The following GALNS variants were observed in gnomAD, a reference collection of about 807,000 sequenced individuals.
The protein encoded by GALNS is galactosamine (N-acetyl)-6-sulfatase, also known as N-acetylgalactosamine-6-sulfatase.
In GALNS, 65 loss-of-function variants were observed where a neutral mutation model predicts 65.9. That is an observed-to-expected ratio of 0.99 (90% CI 0.81 to 1.21). GALNS has a LOEUF of 1.21. Ranked by LOEUF, GALNS falls within the 50% of genes most tolerant of loss-of-function variation. The probability of loss-of-function intolerance (pLI) is 0.00; values close to 1 mark genes in which losing one functional copy is unlikely to be tolerated. For missense variants in GALNS, 776 were observed against 700.7 expected (o/e 1.11, Z -1.21); for synonymous variants, 346 against 288.9 (o/e 1.20, Z -2.00).
At chr16:88,835,490 C>G in intron 7 of GALNS, 138 bp from the exon 8 acceptor site, 1 of 1,309,342 alleles carries the variant, frequency 7.6e-7, no homozygotes, top group Non-Finnish European at 1.1e-6. Flanking sequence ...CCGGCCTCTT[C>G]CCAGAAGAGG....
chr16:88,854,253 C>T (rs981428085), intron 1 of GALNS, among the ~76,000 whole-genome samples: 9 of 152,236 alleles, frequency 5.9e-5, no homozygotes, highest in African/African-American at 9.6e-5. Context: ...GACGCCAGCG[C>T]CCTGGCAGAA....
intron 1 of GALNS, 68 bp from the exon 2 acceptor site, chr16:88,842,897 C>A: frequency 6.3e-7 from 1 of 1,593,510 alleles, no homozygotes; most frequent in South Asian, 1.1e-5. Context: ...GGGGAGCTGC[C>A]CATGGTGCCA....
rs147565211 is a variant in GALNS at position 88,854,508 on chromosome 16, G to A, written c.120+2250C>T. Among the ~76,000 whole-genome samples, 286 of 152,358 alleles carry A rather than the reference G, an allele frequency of 1.9e-3. 1 individual carries two copies. The highest frequency in any genetic ancestry group is 6.1e-3 in the African/African-American group (252 of 41,576). ...GGTCCAGGCAGATGAGATGATCAGG[G>A]GCAGTCTCCCTTCTGGGGTAGGCCC... On this transcript the variant is annotated intron_variant, in intron 1 of 13. Coordinates refer to ENST00000268695, the MANE Select transcript of GALNS (RefSeq NM_000512.5).
At chr16:88,822,446 C>T (rs1910328072) in intron 12 of GALNS, 143 bp downstream of exon 12, 26 of 1,108,728 alleles carry the variant, frequency 2.3e-5, no homozygotes, top group Non-Finnish European at 3.4e-5. Flanking sequence ...CCACCAAGCA[C>T]GTGTGGGTAT....
Position 88,843,038 on chromosome 16 carries a change from C to T in GALNS, c.121-209G>A, listed in dbSNP as rs564422845. On this transcript the variant is annotated intron_variant, in intron 1 of 13. Transcript: ENST00000268695. ...TCCACGCCAGCCCAAACCTCAGCATCGCCTGCGTGCGTGCACGATGGGGCC... is the reference window on the plus strand; with the variant it reads ...TCCACGCCAGCCCAAACCTCAGCATTGCCTGCGTGCGTGCACGATGGGGCC... 3.3e-3 allele frequency: 5,060 copies of T among 1,525,424 alleles called. 12 individuals are homozygous for T. The highest frequency in any genetic ancestry group is 4.1e-3 in the Non-Finnish European group (4,682 of 1,141,562). 94.5% of individuals were successfully genotyped at this position (1,525,424 alleles called of 1,614,324 possible). A position where few individuals can be genotyped will look rare whatever the true frequency, so the allele number is the denominator to read the frequency against.
intron 5 of GALNS, 56 bp downstream of exon 5, chr16:88,837,566 G>A: frequency 1.9e-6 from 3 of 1,581,220 alleles, no homozygotes; most frequent in Non-Finnish European, 2.6e-6. Context: ...CGGGGGGCAG[G>A]CACGCCGGGC....
At chr16:88,830,247 A>AC (rs1297697928) in intron 9 of GALNS, among the ~76,000 whole-genome samples, 27 of 150,594 alleles carry the variant, frequency 1.8e-4, no homozygotes, top group African/African-American at 6.6e-4. Flanking sequence ...AAAAAAAAAA[A>AC]AAAAAAAAAC....
At chr16:88,841,747 T>G in intron 3 of GALNS, 150 bp downstream of exon 3, 1 of 738,012 alleles carries the variant, frequency 1.4e-6, no homozygotes, top group Non-Finnish European at 2.4e-6. Context: ...TAGGGGGGCC[T>G]GCACTTCCAC....
intron 1 of GALNS, among the ~76,000 whole-genome samples, chr16:88,848,756 G>A (rs931374595): frequency 6.6e-6 from 1 of 151,004 alleles, no homozygotes; most frequent in Non-Finnish European, 1.5e-5. Context: ...GCCCTCACCG[G>A]GGGCGGGGGT....
chr16:88,836,680 G>T (rs972650316), intron 5 of GALNS, among the ~76,000 whole-genome samples: 1 of 152,156 alleles, frequency 6.6e-6, no homozygotes, highest in Non-Finnish European at 1.5e-5. Flanking sequence ...AGGAAGCCTG[G>T]AAATGAAATG....
At chr16:88,816,976 G>A in intron 13 of GALNS, 1 of 985,474 alleles carries the variant, frequency 1.0e-6, no homozygotes, top group Non-Finnish European at 1.2e-6. Context: ...ACTGTGCTCG[G>A]TGGGCTCTGG....
intron 1 of GALNS, chr16:88,856,108 G>C: frequency 1.4e-6 from 1 of 696,478 alleles, no homozygotes; most frequent in Non-Finnish European, 2.6e-6. Flanking sequence ...AAGGAGTTAG[G>C]GAAGGAGGCC....
chr16:88,827,255 C>A, intron 9 of GALNS: 1 of 250,040 alleles, frequency 4.0e-6, no homozygotes, highest in South Asian at 4.8e-5. Flanking sequence ...GGAGGGGCAG[C>A]TGAGGCTGGA....
At chr16:88,853,251 C>CA (rs34618279) in intron 1 of GALNS, among the ~76,000 whole-genome samples, 4,148 of 60,812 alleles carry the variant, frequency 0.068, 91 homozygotes, top group Non-Finnish European at 0.086. Flanking sequence ...GACTCCATCT[C>CA]AAAAAAAAAA....
chr16:88,818,145 T>C, intron 12 of GALNS, 21 bp from the exon 13 acceptor site: 2 of 1,557,032 alleles, frequency 1.3e-6, no homozygotes, highest in Non-Finnish European at 8.7e-7. Flanking sequence ...AGAGCTCTGG[T>C]CACACGGCTG....
chr16:88,854,406 T>C (rs1405684927), intron 1 of GALNS, among the ~76,000 whole-genome samples: 1 of 152,216 alleles, frequency 6.6e-6, no homozygotes, highest in Non-Finnish European at 1.5e-5. Context: ...TGAGCTTCTG[T>C]GGCTCTCACC....
intron 4 of GALNS, chr16:88,838,037 G>T: frequency 2.1e-6 from 1 of 470,786 alleles, no homozygotes; most frequent in Non-Finnish European, 3.9e-6. Context: ...GTGAAGGGTG[G>T]TGCATCGTGA....
intron 4 of GALNS, among the ~76,000 whole-genome samples, chr16:88,839,818 CCT>C (rs1328736743): frequency 6.6e-6 from 1 of 152,216 alleles, no homozygotes; most frequent in African/African-American, 2.4e-5. Context: ...AGACCCACTC[CCT>C]GTCTAGCTCT....
At position 88,816,681 on chromosome 16, in the gene GALNS, G is replaced by A. The variant is rs1161601171; in HGVS notation, c.1482+1326C>T. 3 of 985,310 alleles carry A rather than the reference G, an allele frequency of 3.0e-6. No individual in the cohort carries two copies. In the African/African-American group the frequency reaches 5.2e-5, roughly 17 times the overall value. The allele number at this position is 985,310 out of a possible 1,614,324, so 61.0% of individuals were successfully genotyped here. A position where few individuals can be genotyped will look rare whatever the true frequency, so the allele number is the denominator to read the frequency against. ...CGGTGCTCTCCTGTTACATCCGCCG[G>A]CCCACGCTGTGGCTCCCTGGCTGTT... is the stretch of plus-strand genomic sequence containing the variant. On this transcript the variant is annotated intron_variant, in intron 13 of 13. Transcript: ENST00000268695.
Sources: allele counts gnomAD v4.1 joint callset (sites outside exome capture counted in the v4.1 genomes callset), GRCh38; gene constraint gnomAD v4.1.1; transcripts MANE v1.5; gene names NCBI Gene and HGNC (gene_info 2026-07-23, HGNC 2026-07-21).